The following EYS variants were observed in gnomAD, a reference collection of about 807,000 sequenced individuals.
EYS encodes protein eyes shut homolog.
EYS carries 250 observed loss-of-function variants against 282.1 expected under a neutral mutation model. The ratio of observed to expected loss-of-function variants is 0.89; its 90% CI spans 0.80 to 0.98. The LOEUF (loss-of-function observed/expected upper bound fraction) is 0.98, where lower values mean the gene tolerates loss of function less well. Among genes scored for constraint, EYS ranks in the 50% least tolerant of loss-of-function variants. EYS has a pLI of 0.00. For missense variants in EYS, 4,016 were observed against 3,709.0 expected (o/e 1.08, Z -2.15); for synonymous variants, 1,355 against 1,282.9 (o/e 1.06, Z -1.20).
At chr6:65,462,101 G>T (rs1764845511) in intron 5 of EYS, among the ~76,000 whole-genome samples, 1 of 151,958 alleles carries the variant, frequency 6.6e-6, no homozygotes, top group Non-Finnish European at 1.5e-5. Flanking sequence ...AACAAATTTT[G>T]GGACATTTGT....
intron 2 of EYS, among the ~76,000 whole-genome samples, chr6:65,539,845 G>C (rs1768097992): frequency 6.6e-6 from 1 of 152,134 alleles, no homozygotes; most frequent in Non-Finnish European, 1.5e-5. Context: ...AATTCTCTCT[G>C]AAGTATAGTC....
At chr6:65,325,354 G>A (rs1769590143) in intron 11 of EYS, among the ~76,000 whole-genome samples, 1 of 152,014 alleles carries the variant, frequency 6.6e-6, no homozygotes, top group South Asian at 2.1e-4. Flanking sequence ...TACAACAAAC[G>A]CTGCATTTGA....
At chr6:64,669,747 G>C (rs932902952) in intron 22 of EYS, among the ~76,000 whole-genome samples, 1 of 152,090 alleles carries the variant, frequency 6.6e-6, no homozygotes. Context: ...AGAATGTTGA[G>C]AGTGGGAATG....
chr6:65,001,187 G>A (rs1771453520), intron 13 of EYS, among the ~76,000 whole-genome samples: 1 of 119,928 alleles, frequency 8.3e-6, no homozygotes, highest in Non-Finnish European at 2.0e-5. Flanking sequence ...AAGGGCAGAA[G>A]GCCAGTATGA....
At chr6:65,396,413 T>C (rs991277632) in intron 7 of EYS, among the ~76,000 whole-genome samples, 3 of 152,120 alleles carry the variant, frequency 2.0e-5, no homozygotes, top group African/African-American at 7.2e-5. Flanking sequence ...CCACAATCCA[T>C]TGACCCTACC....
chr6:65,196,851 G>T (rs1765779615), intron 12 of EYS, among the ~76,000 whole-genome samples: 1 of 152,016 alleles, frequency 6.6e-6, no homozygotes, highest in South Asian at 2.1e-4. Context: ...CCATTAAGAG[G>T]GAGTGGTAGG....
At chr6:64,539,775 GCTAT>G (rs1764640628) in intron 26 of EYS, among the ~76,000 whole-genome samples, 1 of 152,110 alleles carries the variant, frequency 6.6e-6, no homozygotes, top group African/African-American at 2.4e-5. Context: ...TTGAGTTTTT[GCTAT>G]CTACTATACT....
At chr6:64,890,096 A>G (rs117796325) in intron 18 of EYS, among the ~76,000 whole-genome samples, 5,639 of 148,088 alleles carry the variant, frequency 0.038, 193 homozygotes, top group East Asian at 0.16. Context: ...CTGCAGGGGT[A>G]AAATAGACCC....
At chr6:64,361,960 T>C (rs1390538166) in intron 29 of EYS, among the ~76,000 whole-genome samples, 2 of 151,872 alleles carry the variant, frequency 1.3e-5, no homozygotes, top group East Asian at 3.9e-4. Context: ...TTGAATTTTA[T>C]ATTGCCTGAT....
chr6:64,876,456 A>G (rs148435161), intron 19 of EYS, among the ~76,000 whole-genome samples: 446 of 152,268 alleles, frequency 2.9e-3, no homozygotes, highest in Non-Finnish European at 4.7e-3. Flanking sequence ...ACTTACTTGA[A>G]GTGAAATATG....
intron 26 of EYS, among the ~76,000 whole-genome samples, chr6:64,529,611 TTATGAG>T (rs973899786): frequency 6.7e-6 from 1 of 150,098 alleles, no homozygotes; most frequent in Non-Finnish European, 1.5e-5. Flanking sequence ...GATGCTTTTC[TTATGAG>T]TATAATTATA....
At chr6:65,322,795 C>CAAA (rs57571912) in intron 11 of EYS, among the ~76,000 whole-genome samples, 865 of 71,552 alleles carry the variant, frequency 0.012, 14 homozygotes, top group African/African-American at 0.039. Flanking sequence ...GAATCCGTCT[C>CAAA]AAAAAAAAAA....
chr6:64,463,093 C>T (rs1013906307), intron 26 of EYS, among the ~76,000 whole-genome samples: 1 of 151,742 alleles, frequency 6.6e-6, no homozygotes, highest in Non-Finnish European at 1.5e-5. Context: ...ACTACAGGTG[C>T]CCGCCACCAC....
At chr6:64,691,436 A>G (rs1192265361) in intron 22 of EYS, among the ~76,000 whole-genome samples, 4 of 152,252 alleles carry the variant, frequency 2.6e-5, no homozygotes, top group Non-Finnish European at 5.9e-5. Flanking sequence ...AGAATACAGT[A>G]TATATGTACA....
At chr6:65,529,015 C>A (rs568621141) in intron 2 of EYS, among the ~76,000 whole-genome samples, 1 of 151,918 alleles carries the variant, frequency 6.6e-6, no homozygotes, top group Non-Finnish European at 1.5e-5. Context: ...GATGCAGAAG[C>A]AAGTATTACA....
chr6:64,796,058 A>G (rs1236788839), intron 22 of EYS, among the ~76,000 whole-genome samples: 1 of 152,202 alleles, frequency 6.6e-6, no homozygotes, highest in Non-Finnish European at 1.5e-5. Context: ...TAAGTTGATT[A>G]AAAACTGCTC....
At chr6:64,528,052 T>A (rs16880085) in intron 26 of EYS, among the ~76,000 whole-genome samples, 62,955 of 151,628 alleles carry the variant, frequency 0.42, 13,613 homozygotes, top group African/African-American at 0.56. Flanking sequence ...CTGTCCCAGG[T>A]TCTGTAGAAA....
intron 2 of EYS, among the ~76,000 whole-genome samples, chr6:65,516,130 C>T (rs1273729545): frequency 6.6e-6 from 1 of 151,870 alleles, no homozygotes; most frequent in African/African-American, 2.4e-5. Context: ...CATAAGGATG[C>T]TGAAACCATT....
chr6:64,273,596 T>C (rs971859414), intron 30 of EYS, among the ~76,000 whole-genome samples: 1 of 152,172 alleles, frequency 6.6e-6, no homozygotes, highest in Admixed American at 6.5e-5. Context: ...ATACTTTCCT[T>C]ACAGCTCCTT....
Sources: allele counts gnomAD v4.1 joint callset (sites outside exome capture counted in the v4.1 genomes callset), GRCh38; gene constraint gnomAD v4.1.1; transcripts MANE v1.5; gene names NCBI Gene and HGNC (gene_info 2026-07-23, HGNC 2026-07-21).